The following FHIT variants were observed in gnomAD, a reference collection of about 807,000 sequenced individuals.
FHIT encodes bis(5'-adenosyl)-triphosphatase.
In FHIT, 19 loss-of-function variants were observed where a neutral mutation model predicts 17.9. The observed-to-expected ratio is 1.06, with a 90% CI of 0.74 to 1.56. The LOEUF (loss-of-function observed/expected upper bound fraction) is 1.56. FHIT is among the 40% of genes most tolerant of loss of function. The pLI, the probability that FHIT is intolerant of heterozygous loss-of-function variation, is 0.00. For synonymous variants in FHIT, 81 were observed against 69.7 expected (o/e 1.16, Z -0.81); for missense variants, 248 against 189.2 (o/e 1.31, Z -1.82).
At chr3:61,082,767 T>C (rs1381456576) in intron 2 of FHIT, among the ~76,000 whole-genome samples, 1 of 152,222 alleles carries the variant, frequency 6.6e-6, no homozygotes, top group African/African-American at 2.4e-5. Context: ...TTGTCTCTAA[T>C]AACTAATTAT....
intron 4 of FHIT, among the ~76,000 whole-genome samples, chr3:60,807,593 T>G (rs1220289588): frequency 6.6e-6 from 1 of 151,908 alleles, no homozygotes; most frequent in Admixed American, 6.6e-5. Flanking sequence ...GTCTCAAAAA[T>G]AAAGTAAAAT....
chr3:61,122,262 C>A (rs1225813800), intron 2 of FHIT, among the ~76,000 whole-genome samples: 2 of 152,170 alleles, frequency 1.3e-5, no homozygotes, highest in Non-Finnish European at 2.9e-5. Flanking sequence ...GGAAAGGATT[C>A]TCTATTTAAT....
At chr3:60,737,627 G>T (rs1022792603) in intron 4 of FHIT, among the ~76,000 whole-genome samples, 1 of 152,194 alleles carries the variant, frequency 6.6e-6, no homozygotes, top group Admixed American at 6.5e-5. Context: ...TATTTCAGCT[G>T]CATCGTATGG....
At chr3:60,238,552 A>G (rs1398411233) in intron 5 of FHIT, among the ~76,000 whole-genome samples, 1 of 152,098 alleles carries the variant, frequency 6.6e-6, no homozygotes, top group Admixed American at 6.5e-5. Flanking sequence ...TTCACTATGC[A>G]TATGTTATGC....
intron 5 of FHIT, among the ~76,000 whole-genome samples, chr3:60,147,090 T>C (rs908229183): frequency 1.3e-5 from 2 of 152,248 alleles, no homozygotes; most frequent in East Asian, 3.9e-4. Context: ...TGCAACTAAA[T>C]TGGATTTTCC....
At chr3:60,196,573 T>C (rs1702649724) in intron 5 of FHIT, among the ~76,000 whole-genome samples, 1 of 152,094 alleles carries the variant, frequency 6.6e-6, no homozygotes, top group Non-Finnish European at 1.5e-5. Context: ...TGTTGGGGAT[T>C]AGAATTAATA....
chr3:60,126,905 A>T (rs560431350), intron 5 of FHIT, among the ~76,000 whole-genome samples: 2 of 152,244 alleles, frequency 1.3e-5, no homozygotes, highest in South Asian at 4.2e-4. Context: ...CTTTGAGCTA[A>T]TACCTGCAGG....
At chr3:61,115,388 G>C (rs978431816) in intron 2 of FHIT, among the ~76,000 whole-genome samples, 1 of 152,052 alleles carries the variant, frequency 6.6e-6, no homozygotes, top group Non-Finnish European at 1.5e-5. Context: ...TAAGAGGCAG[G>C]AGCGCCAAGA....
rs139307788 is a variant in FHIT at position 60,520,966 on chromosome 3, A to G, written c.103+15894T>C. ...TTACTACCATGCCTCATAGAAGAGA[A>G]AAAAAAAGGAAAAAGGCTCATATCA... On this transcript the variant is annotated intron_variant, in intron 5 of 9. Coordinates refer to ENST00000492590, the MANE Select transcript of FHIT (RefSeq NM_002012.4). Among the ~76,000 whole-genome samples the G allele has an allele frequency of 3.9e-3, 592 of 152,086 alleles. 5 individuals carry two copies. The highest frequency in any genetic ancestry group is 0.013 in the African/African-American group (555 of 41,478).
At chr3:60,539,076 A>C (rs1297137897) in intron 4 of FHIT, among the ~76,000 whole-genome samples, 3 of 152,178 alleles carry the variant, frequency 2.0e-5, no homozygotes, top group Non-Finnish European at 4.4e-5. Flanking sequence ...ATCTACAAAG[A>C]ACTCAAACAA....
intron 5 of FHIT, among the ~76,000 whole-genome samples, chr3:60,087,450 C>T (rs1188928883): frequency 6.6e-6 from 1 of 152,304 alleles, no homozygotes; most frequent in Admixed American, 6.5e-5. Context: ...AATGGCCAGG[C>T]TGCAAATTTT....
At chr3:59,903,650 T>C (rs1704440076) in intron 8 of FHIT, among the ~76,000 whole-genome samples, 2 of 152,140 alleles carry the variant, frequency 1.3e-5, no homozygotes, top group African/African-American at 2.4e-5. Context: ...AGGATTATTG[T>C]AGCCTGGAGT....
intron 2 of FHIT, among the ~76,000 whole-genome samples, chr3:61,181,714 G>A (rs980122134): frequency 3.3e-5 from 5 of 152,106 alleles, no homozygotes; most frequent in Non-Finnish European, 5.9e-5. Flanking sequence ...TTGCCACATA[G>A]GGCCCACTTA....
intron 5 of FHIT, among the ~76,000 whole-genome samples, chr3:60,311,738 A>G (rs952348744): frequency 6.6e-6 from 1 of 152,190 alleles, no homozygotes; most frequent in Admixed American, 6.6e-5. Flanking sequence ...TATCATTTGT[A>G]TGGGCTCCTT....
intron 4 of FHIT, among the ~76,000 whole-genome samples, chr3:60,616,335 C>T (rs890110206): frequency 1.3e-5 from 2 of 152,146 alleles, no homozygotes; most frequent in Admixed American, 6.5e-5. Flanking sequence ...TTCACAAAAG[C>T]AACACCTGGT....
At chr3:60,036,084 G>C (rs1007232050) in intron 5 of FHIT, among the ~76,000 whole-genome samples, 1 of 152,202 alleles carries the variant, frequency 6.6e-6, no homozygotes, top group Non-Finnish European at 1.5e-5. Flanking sequence ...GAAGTTAGGT[G>C]CTTAGTCCAA....
intron 4 of FHIT, among the ~76,000 whole-genome samples, chr3:60,559,729 G>T (rs2107640816): frequency 7.2e-6 from 1 of 139,700 alleles, no homozygotes; most frequent in East Asian, 2.3e-4. Context: ...TAACCTCCCA[G>T]CTCTAGAAGA....
chr3:60,518,043 G>A (rs115644359), intron 5 of FHIT, among the ~76,000 whole-genome samples: 1 of 152,146 alleles, frequency 6.6e-6, no homozygotes, highest in African/African-American at 2.4e-5. Context: ...ATAAAAATTA[G>A]AAGAAAGAAA....
rs78150569 is a variant in FHIT, at chr3:59,857,705, G to GTTTTTT, written c.348+64635_348+64640dup. Among the ~76,000 whole-genome samples, 476 of 115,370 alleles carry GTTTTTT rather than the reference G, an allele frequency of 4.1e-3. 10 individuals carry two copies. The highest frequency in any genetic ancestry group is 0.015 in the African/African-American group (426 of 27,660). 75.7% of individuals were successfully genotyped at this position (115,370 alleles called of 152,430 possible). ...ATGACTATGCTGTGCAAAGTGCTGGGTTTTTTTTTTTTTTTTTGTATCCTA... is the reference window on the plus strand; with the variant it reads ...ATGACTATGCTGTGCAAAGTGCTGGGTTTTTTTTTTTTTTTTTTTTTTTGTATCCTA... On this transcript the variant is annotated intron_variant, in intron 8 of 9. Transcript: ENST00000492590.
Sources: gnomAD v4.1 joint callset for allele counts (sites outside exome capture counted in the v4.1 genomes callset) on GRCh38, gnomAD v4.1.1 for gene constraint, MANE v1.5 for transcripts, NCBI Gene and HGNC (gene_info 2026-07-23, HGNC 2026-07-21) for gene names.